SLC5A9: variants seen among roughly 807,000 people sequenced by gnomAD.
SLC5A9 encodes solute carrier family 5 member 9.
A neutral mutation model predicts 70.9 loss-of-function variants in SLC5A9; 59 were observed. The ratio of observed to expected loss-of-function variants is 0.83; its 90% CI spans 0.68 to 1.03. The LOEUF (loss-of-function observed/expected upper bound fraction) is 1.03, where lower values mean the gene tolerates loss of function less well. Ranked by LOEUF, SLC5A9 falls within the 50% of genes least tolerant of loss-of-function variation. The pLI is 0.00. For synonymous variants in SLC5A9, 340 were observed against 346.5 expected, an observed-to-expected ratio of 0.98 and a Z score of 0.21; for missense variants, 832 against 881.1, an observed-to-expected ratio of 0.94 and a Z score of 0.71.
In SLC5A9 at chr1:48,237,848, G is replaced by A. The variant is rs775853981; in HGVS notation, c.1461+1G>A. On this transcript the variant is annotated splice_donor_variant, in intron 11 of 13. Coordinates refer to ENST00000438567, the MANE Select transcript of SLC5A9 (RefSeq NM_001011547.3). LOFTEE classifies it high-confidence loss of function. ...CTTCTGCAAGAGGGTCACAGAGCCC[G>A]TGAGTGCAGTGTACCTGTCTCTCAC... The A allele has an allele frequency of 3.2e-5, 52 of 1,613,794 alleles. No individual in the cohort carries two copies. Among genetic ancestry groups the A allele is most frequent in the East Asian group, 1.3e-4 (6 of 44,874 alleles).
At chr1:48,244,371 C>A (rs145722835) in intron 13 of SLC5A9, among the ~76,000 whole-genome samples, 196 of 152,244 alleles carry the variant, frequency 1.3e-3, no homozygotes, top group African/African-American at 3.3e-3. Context: ...GGGCCCTATA[C>A]TTTCCTCCAG....
At chr1:48,232,337 C>A in intron 7 of SLC5A9, 30 bp from the exon 8 acceptor site, 1 of 1,612,062 alleles carries the variant, frequency 6.2e-7, no homozygotes, top group Non-Finnish European at 8.5e-7. Context: ...CCTCTACCTG[C>A]GCTGCACTCC....
rs1644372610 is a variant in SLC5A9 at position 48,239,859 on chromosome 1, G to A, written c.1677+322G>A. 6.6e-6 allele frequency among the ~76,000 whole-genome samples: 1 copy of A among 152,178 alleles called. No homozygotes were observed. The highest frequency in any genetic ancestry group is 1.5e-5 in the Non-Finnish European group (1 of 68,028). ...ACTATACAAAGAGAAAGTGCAGAAG[G>A]ACCAAGCTCAACCAGAGGGGCCAAG... On this transcript the variant is annotated intron_variant, in intron 12 of 13. Coordinates refer to ENST00000438567, the MANE Select transcript of SLC5A9 (RefSeq NM_001011547.3). This position sits in a 1 kb window ranked among gnomAD's most constrained non-coding sequence, Gnocchi z 4.2.
At chr1:48,231,828 T>G (rs1644252004) in intron 6 of SLC5A9, 118 bp from the exon 7 acceptor site, 1 of 1,542,890 alleles carries the variant, frequency 6.5e-7, no homozygotes, top group Non-Finnish European at 8.8e-7. Context: ...TCTTCCTCCT[T>G]CACCCCCAAT....
chr1:48,222,810 T>G lies in SLC5A9; in HGVS notation c.74T>G (p.Ile25Arg), dbSNP rs1469944152. The G allele has an allele frequency of 2.5e-6, 4 of 1,614,100 alleles. No homozygotes were observed. In the Admixed American group the frequency reaches 6.7e-5, roughly 27 times the overall value. Reference sequence around the variant, plus strand: ...GTCAGGACTGAGACAGCTCCACACATAGCACTGGACTCCAGAGTTGGTCTG... The same window carrying G: ...GTCAGGACTGAGACAGCTCCACACAGAGCACTGGACTCCAGAGTTGGTCTG... ...DGVRTETAPHIALDSRVGLHA... is the reference protein window; with the variant it reads ...DGVRTETAPHRALDSRVGLHA... Residue 25 changes from isoleucine (I) to arginine (R), a missense_variant, in exon 1 of 14, where the codon ATA (isoleucine) becomes AGA (arginine). By Grantham distance (97) the Ile-to-Arg change is moderately conservative (BLOSUM62 -3). Coordinates refer to ENST00000438567, the MANE Select transcript of SLC5A9 (RefSeq NM_001011547.3).
intron 10 of SLC5A9, among the ~76,000 whole-genome samples, chr1:48,236,452 C>A (rs893103084): frequency 1.3e-5 from 2 of 152,144 alleles, no homozygotes; most frequent in African/African-American, 2.4e-5. Context: ...TGATGCAGAG[C>A]CTTGGACACC....
intron 12 of SLC5A9, among the ~76,000 whole-genome samples, chr1:48,240,070 C>T (rs903944399): frequency 2.7e-4 from 41 of 152,218 alleles, no homozygotes; most frequent in Admixed American, 2.6e-3. Context: ...TCACAAGCAA[C>T]GGCCCTTGAA....
chr1:48,228,777 A>T (rs1644200699), intron 2 of SLC5A9, 73 bp from the exon 3 acceptor site: 1 of 1,590,518 alleles, frequency 6.3e-7, no homozygotes, highest in African/African-American at 1.3e-5. Context: ...GCTCCTCACT[A>T]CTCATGGTCC....
At chr1:48,241,954 T>G in intron 12 of SLC5A9, 2 of 456,316 alleles carry the variant, frequency 4.4e-6, no homozygotes, top group Non-Finnish European at 8.8e-6. Context: ...GTGCCCATTA[T>G]TTTTGGCTTC....
intron 13 of SLC5A9, among the ~76,000 whole-genome samples, chr1:48,243,886 G>C (rs1644419907): frequency 6.6e-6 from 1 of 152,152 alleles, no homozygotes; most frequent in Non-Finnish European, 1.5e-5. Context: ...CTGCCTCAGT[G>C]AAAGAAAGTC....
chr1:48,234,001 G>A (rs1644293956), intron 9 of SLC5A9, among the ~76,000 whole-genome samples: 1 of 152,208 alleles, frequency 6.6e-6, no homozygotes, highest in South Asian at 2.1e-4. Context: ...GGCATCATGC[G>A]GTCTCCAGGG....
intron 13 of SLC5A9, among the ~76,000 whole-genome samples, chr1:48,245,444 G>A (rs1361646016): frequency 2.0e-5 from 3 of 152,192 alleles, no homozygotes; most frequent in Non-Finnish European, 4.4e-5. Context: ...GCAAGAAAAA[G>A]GAGGCACCAA....
chr1:48,237,857 G>A lies in SLC5A9; in HGVS notation c.1461+10G>A. 5 of 1,613,770 alleles carry A rather than the reference G, an allele frequency of 3.1e-6. No individual in the cohort carries two copies. The South Asian group carries it at 5.5e-5, about 18-fold the overall frequency. On this transcript the variant is annotated intron_variant, in intron 11 of 13. Transcript: ENST00000438567. ...GAGGGTCACAGAGCCCGTGAGTGCA[G>A]TGTACCTGTCTCTCACATACAGCAG...
chr1:48,242,530 C>T lies in SLC5A9; in HGVS notation c.1751C>T (p.Pro584Leu), dbSNP rs139604418. The T allele has an allele frequency of 1.4e-4, 232 of 1,613,806 alleles. No individual in the cohort carries two copies. In the African/African-American group the frequency reaches 1.5e-3, roughly 10 times the overall value. Residue 584 changes from proline to leucine, a missense_variant, in exon 13 of 14, where the codon CCG becomes CTG. Coordinates refer to ENST00000438567, the MANE Select transcript of SLC5A9 (RefSeq NM_001011547.3). The part of the protein sequence containing the change: ...ELEKEAHEST[P>L]EISERPAGEC... ...GAGAAGGAGGCCCACGAGAGCACAC[C>T]GGAGATATCCGAGAGGCCAGCCGGG...
In SLC5A9 at chr1:48,230,687, G is replaced by GC. The variant is rs775864346; in HGVS notation, c.594dup (p.Val199ArgfsTer53). ...CACAGGGATCCTGCTGGTGGTGACT[G>GC]CCGTCTACACCATTGCAGGTAGGCA... On this transcript the variant is annotated frameshift_variant, in exon 5 of 14. Transcript: ENST00000438567. LOFTEE classifies it high-confidence loss of function. The GC allele has an allele frequency of 6.2e-7, 1 of 1,613,584 alleles. No individual in the cohort carries two copies. Among genetic ancestry groups the GC allele is most frequent in the East Asian group, 2.2e-5 (1 of 44,866 alleles).
At chr1:48,247,208 C>A in intron 13 of SLC5A9, 127 bp from the exon 14 acceptor site, 1 of 844,460 alleles carries the variant, frequency 1.2e-6, no homozygotes, top group Non-Finnish European at 1.9e-6. Context: ...TTCTGTGCAC[C>A]CCCCATACTT....
chr1:48,239,973 G>C lies in SLC5A9; in HGVS notation c.1677+436G>C, dbSNP rs1325820299. On this transcript the variant is annotated intron_variant, in intron 12 of 13. Transcript: ENST00000438567. This position sits in a 1 kb window ranked among gnomAD's most constrained non-coding sequence, Gnocchi z 4.2. ...AATTAGACCCTGAAGAATGAATAGA[G>C]AATTTTTGAGTGGGCAAGAAACAAA... 6.6e-6 allele frequency among the ~76,000 whole-genome samples: 1 copy of C among 152,196 alleles called. No homozygotes were observed. The highest frequency in any genetic ancestry group is 1.5e-5 in the Non-Finnish European group (1 of 68,034).
chr1:48,230,013 C>G (rs893095367), intron 4 of SLC5A9, among the ~76,000 whole-genome samples: 2 of 152,216 alleles, frequency 1.3e-5, no homozygotes, highest in African/African-American at 4.8e-5. Flanking sequence ...ACTCCGTTGC[C>G]AGGTCTAGGG....
At chr1:48,223,210 C>A (rs1424719660) in intron 1 of SLC5A9, among the ~76,000 whole-genome samples, 1 of 152,154 alleles carries the variant, frequency 6.6e-6, no homozygotes, top group Non-Finnish European at 1.5e-5. Context: ...CTCCTTCCTT[C>A]TTCCCACCCC....
Sources: allele counts gnomAD v4.1 joint callset (sites outside exome capture counted in the v4.1 genomes callset), GRCh38; gene constraint gnomAD v4.1.1; non-coding constraint Gnocchi (gnomAD v3.1); transcripts MANE v1.5; gene names NCBI Gene and HGNC (gene_info 2026-07-23, HGNC 2026-07-21).